The following DSTN variants were observed in gnomAD, a reference collection of about 807,000 sequenced individuals.
DSTN encodes the protein destrin.
Under a neutral mutation model 16.8 loss-of-function variants are expected in DSTN, and 10 were observed. That is an observed-to-expected ratio of 0.60 (90% CI 0.37 to 1.01). The LOEUF (loss-of-function observed/expected upper bound fraction) is 1.01, where lower values mean the gene tolerates loss of function less well. DSTN is among the 50% of genes least tolerant of loss of function. DSTN has a pLI of 0.01. For synonymous variants in DSTN, 57 were observed against 58.9 expected, an observed-to-expected ratio of 0.97 and a Z score of 0.14; for missense variants, 141 against 196.7, an observed-to-expected ratio of 0.72 and a Z score of 1.69.
At chr20:17,591,526 G>C (rs1181134936) in intron 1 of DSTN, among the ~76,000 whole-genome samples, 1 of 152,146 alleles carries the variant, frequency 6.6e-6, no homozygotes, top group Non-Finnish European at 1.5e-5. Flanking sequence ...TTTGCCTGTA[G>C]GCAAAGAAGC....
Position 17,608,654 on chromosome 20 carries a change from A to G in DSTN, c.*1508A>G, listed in dbSNP as rs2035667618. 1 of 151,944 alleles carries G rather than the reference A, an allele frequency of 6.6e-6. No individual in the cohort carries two copies. The highest frequency in any genetic ancestry group is 2.4e-5 in the African/African-American group (1 of 41,350). The allele number at this position is 151,944 out of a possible 1,614,324, so 9.4% of individuals were successfully genotyped here. A position where few individuals can be genotyped will look rare whatever the true frequency, so the allele number is the denominator to read the frequency against. On this transcript the variant is annotated 3_prime_UTR_variant, in exon 4 of 4. Coordinates refer to ENST00000246069, the MANE Select transcript of DSTN (RefSeq NM_006870.4). ...AAAAAGTCACAACTCCCTCTGGTGA[A>G]TAAGAAAGTTGGTGTAAAAGTTGGG...
intron 1 of DSTN, among the ~76,000 whole-genome samples, chr20:17,598,898 A>C (rs1405797662): frequency 6.6e-6 from 1 of 152,174 alleles, no homozygotes; most frequent in African/African-American, 2.4e-5. Flanking sequence ...CCCAGCCTAA[A>C]GATACCATTC....
intron 1 of DSTN, 121 bp downstream of exon 1, chr20:17,570,332 G>C (rs2035183627): frequency 7.7e-7 from 1 of 1,294,320 alleles, no homozygotes; most frequent in South Asian, 1.8e-5. Context: ...GACCCGGTCC[G>C]GCTGCAGTGT....
intron 1 of DSTN, among the ~76,000 whole-genome samples, chr20:17,597,241 T>G (rs189737775): frequency 6.6e-6 from 1 of 152,232 alleles, no homozygotes; most frequent in Non-Finnish European, 1.5e-5. Flanking sequence ...TGTGTACTTA[T>G]GAGTTTTCTA....
chr20:17,571,637 A>G (rs1474811735), intron 1 of DSTN, among the ~76,000 whole-genome samples: 2 of 152,228 alleles, frequency 1.3e-5, no homozygotes, highest in East Asian at 3.8e-4. Flanking sequence ...GCTTAAGACC[A>G]TTCACTCTGT....
At position 17,574,865 on chromosome 20, in the gene DSTN, C is replaced by CTTTTCTTTTTTT. The variant is rs1354147534; in HGVS notation, c.3+4658_3+4659insCTTTTTTTTTTT. ...CTTTCTTTTCTTTTTCTTTTCTTTTCTTTTGTTTTTTTTTTTTTTTTTTTT... is the reference window on the plus strand; with the variant it reads ...CTTTCTTTTCTTTTTCTTTTCTTTTCTTTTCTTTTTTTTTTTGTTTTTTTTTTTTTTTTTTTT... On this transcript the variant is annotated intron_variant, in intron 1 of 3. Transcript: ENST00000246069. 5.0e-4 allele frequency among the ~76,000 whole-genome samples: 32 copies of CTTTTCTTTTTTT among 64,258 alleles called. 1 individual carries two copies. Among genetic ancestry groups the CTTTTCTTTTTTT allele is most frequent in the African/African-American group, 1.9e-3 (31 of 16,720 alleles). The allele number at this position is 64,258 out of a possible 152,430, so 42.2% of individuals were successfully genotyped here.
At chr20:17,576,615 C>T (rs1267068108) in intron 1 of DSTN, 1 of 152,208 alleles carries the variant, frequency 6.6e-6, no homozygotes, top group African/African-American at 2.4e-5. Flanking sequence ...CTGAGAACGT[C>T]TGTTGCAGCA....
chr20:17,606,948 G>T (rs377657608), intron 3 of DSTN, 89 bp from the exon 4 acceptor site: 2 of 1,265,084 alleles, frequency 1.6e-6, no homozygotes, highest in South Asian at 1.3e-5. Flanking sequence ...ATCCAGATTA[G>T]AACTGGTCTT....
intron 1 of DSTN, among the ~76,000 whole-genome samples, chr20:17,592,429 CAAAA>C (rs35327345): frequency 4.6e-5 from 5 of 109,526 alleles, no homozygotes; most frequent in African/African-American, 6.3e-5. Context: ...GACCTTGTCT[CAAAA>C]AAAAAAAAAA....
intron 1 of DSTN, among the ~76,000 whole-genome samples, chr20:17,590,022 GGAA>G (rs2035452600): frequency 6.6e-6 from 1 of 152,036 alleles, no homozygotes; most frequent in African/African-American, 2.4e-5. Flanking sequence ...TTAGTAGTAC[GGAA>G]AAAGACCACC....
intron 1 of DSTN, chr20:17,591,924 T>C: frequency 1.0e-6 from 1 of 985,394 alleles, no homozygotes; most frequent in African/African-American, 1.7e-5. Context: ...TGCTAATCTT[T>C]ACCCCAGATT....
intron 1 of DSTN, among the ~76,000 whole-genome samples, chr20:17,574,398 TCTTTC>T (rs1284847058): frequency 6.6e-6 from 1 of 152,180 alleles, no homozygotes; most frequent in Non-Finnish European, 1.5e-5. Context: ...AGGACAGAGT[TCTTTC>T]CTTCTTTGCC....
chr20:17,601,397 G>C (rs1336743117), intron 2 of DSTN, among the ~76,000 whole-genome samples: 1 of 151,882 alleles, frequency 6.6e-6, no homozygotes, highest in East Asian at 1.9e-4. Context: ...GCCATGCCAG[G>C]AACCAGCCTT....
At position 17,600,869 on chromosome 20, in the gene DSTN, G is replaced by C; in HGVS notation, c.135G>C (p.Lys45Asn). The C allele has an allele frequency of 6.2e-7, 1 of 1,613,832 alleles. No homozygotes were observed. The highest frequency in any genetic ancestry group is 8.5e-7 in the Non-Finnish European group (1 of 1,179,822). ...TTTTTTGTCTCAGTGCAGACAAAAA[G>C]TGCATCATTGTAGAAGAAGGCAAAG... ...AVIFCLSADK[K>N]CIIVEEGKEI... is the part of the protein sequence containing the mutation. The change falls in exon 2 of 4, where the codon AAG becomes AAC. Residue 45 changes from lysine to asparagine, a missense_variant. Transcript: ENST00000246069.
intron 1 of DSTN, among the ~76,000 whole-genome samples, chr20:17,584,334 G>A (rs1254133065): frequency 2.0e-5 from 3 of 152,106 alleles, no homozygotes. Flanking sequence ...TCAAAAAGGT[G>A]TGTGTATTTC....
intron 2 of DSTN, among the ~76,000 whole-genome samples, chr20:17,601,312 C>T (rs1415181602): frequency 3.5e-5 from 5 of 143,400 alleles, no homozygotes; most frequent in African/African-American, 1.3e-4. Context: ...TCTGAATGTA[C>T]TGCTTTTATA....
intron 1 of DSTN, among the ~76,000 whole-genome samples, chr20:17,579,132 T>A (rs1156756588): frequency 2.6e-5 from 4 of 152,194 alleles, no homozygotes; most frequent in Non-Finnish European, 4.4e-5. Context: ...TGGGTTTTTT[T>A]AAATCTTGAC....
Position 17,570,197 on chromosome 20 carries a change from G to C in DSTN, c.-12G>C. 1 of 1,519,376 alleles carries C rather than the reference G, an allele frequency of 6.6e-7. No individual in the cohort carries two copies. Among genetic ancestry groups the C allele is most frequent in the South Asian group, 1.2e-5 (1 of 82,730 alleles). 94.1% of individuals were successfully genotyped at this position (1,519,376 alleles called of 1,614,324 possible). On this transcript the variant is annotated 5_prime_UTR_variant, in exon 1 of 4. Transcript: ENST00000246069. ...CTCCCTCCCCCGCGTCCCTGCGACC[G>C]CCGCGGCGAAGATGGTGAGTAGGAG... is the stretch of plus-strand genomic sequence containing the variant.
At position 17,604,555 on chromosome 20, in the gene DSTN, G is replaced by A; in HGVS notation, c.312G>A (p.Trp104Ter). 1.9e-6 allele frequency: 3 copies of A among 1,607,854 alleles called. No individual in the cohort carries two copies. The highest frequency in any genetic ancestry group is 1.7e-5 in the Admixed American group (1 of 58,228). Reference protein sequence around the residue: ...SRKEELMFFLWAPELAPLKSK... With the variant: ...SRKEELMFFL The stretch of plus-strand genomic sequence containing the variant: ...TCATTTTTGGCATCTTTCTATCTAG[G>A]GCACCAGAACTAGCACCTCTGAAAA... The change falls in exon 3 of 4, where the codon TGG (tryptophan) becomes TGA (stop). Residue 104 changes from tryptophan to a stop codon, truncating the protein, a stop_gained and splice_region_variant. Transcript: ENST00000246069. LOFTEE classifies it high-confidence loss of function.
Sources: gnomAD v4.1 joint callset for allele counts (sites outside exome capture counted in the v4.1 genomes callset) on GRCh38, gnomAD v4.1.1 for gene constraint, MANE v1.5 for transcripts, NCBI Gene and HGNC (gene_info 2026-07-23, HGNC 2026-07-21) for gene names.